Variants in RBFOX1 observed in about 807,000 individuals in gnomAD.
The protein encoded by RBFOX1 is RNA binding fox-1 homolog 1, also known as RNA binding protein fox-1 homolog 1.
In RBFOX1, 8 loss-of-function variants were observed where a neutral mutation model predicts 57.7. The ratio of observed to expected loss-of-function variants is 0.14; its 90% CI spans 0.08 to 0.25. The LOEUF (loss-of-function observed/expected upper bound fraction) is 0.25. Among genes scored for constraint, RBFOX1 ranks in the 10% least tolerant of loss-of-function variants. The probability of loss-of-function intolerance (pLI) is 1.00; values close to 1 mark genes in which losing one functional copy is unlikely to be tolerated. For synonymous variants in RBFOX1, 326 were observed against 222.4 expected (o/e 1.47, Z -4.15); for missense variants, 611 against 548.5 (o/e 1.11, Z -1.14).
intron 3 of RBFOX1, among the ~76,000 whole-genome samples, chr16:7,025,582 T>C (rs1216388393): frequency 6.6e-6 from 1 of 152,094 alleles, no homozygotes; most frequent in African/African-American, 2.4e-5. Context: ...CAGTGTGCAT[T>C]TGCATGCTTC....
At chr16:7,129,042 AC>A (rs2069445621) in intron 4 of RBFOX1, among the ~76,000 whole-genome samples, 5 of 151,772 alleles carry the variant, frequency 3.3e-5, no homozygotes, top group African/African-American at 1.2e-4. Flanking sequence ...GATGGTCTTG[AC>A]ACCTTAACCT....
intron 3 of RBFOX1, among the ~76,000 whole-genome samples, chr16:6,739,929 C>G (rs1359028399): frequency 6.6e-6 from 1 of 152,090 alleles, no homozygotes; most frequent in Non-Finnish European, 1.5e-5. Context: ...AGCCATTACA[C>G]TCTGGTCACA....
At chr16:7,409,216 C>T (rs2098396410) in intron 4 of RBFOX1, among the ~76,000 whole-genome samples, 1 of 152,180 alleles carries the variant, frequency 6.6e-6, no homozygotes, top group Non-Finnish European at 1.5e-5. Context: ...ATGAGAATCT[C>T]TCTGATGTGG....
At chr16:5,971,857 T>A (rs1359692558) in intron 4 of RBFOX1, among the ~76,000 whole-genome samples, 1 of 152,220 alleles carries the variant, frequency 6.6e-6, no homozygotes. Context: ...AGATTAACAT[T>A]TATGTCAGTA....
intron 3 of RBFOX1, among the ~76,000 whole-genome samples, chr16:5,849,175 T>C (rs1567621442): frequency 6.6e-6 from 1 of 152,008 alleles, no homozygotes; most frequent in Non-Finnish European, 1.5e-5. Context: ...ATTTCTTCTT[T>C]TTTCATGGCC....
At chr16:6,008,071 G>T (rs2152335227) in intron 4 of RBFOX1, among the ~76,000 whole-genome samples, 1 of 152,228 alleles carries the variant, frequency 6.6e-6, no homozygotes, top group Non-Finnish European at 1.5e-5. Context: ...CAGGCATGGT[G>T]GCATGCACCT....
chr16:7,350,633 C>T (rs1311753454), intron 4 of RBFOX1, among the ~76,000 whole-genome samples: 1 of 152,156 alleles, frequency 6.6e-6, no homozygotes, highest in African/African-American at 2.4e-5. Context: ...ATGCATGGTA[C>T]TGGTGAAGAC....
At chr16:5,848,589 C>A (rs981573983) in intron 3 of RBFOX1, among the ~76,000 whole-genome samples, 2 of 152,080 alleles carry the variant, frequency 1.3e-5, no homozygotes, top group Non-Finnish European at 2.9e-5. Flanking sequence ...TGATTGCTCT[C>A]AGAATAGGTA....
chr16:7,239,254 T>C (rs888221358), intron 4 of RBFOX1, among the ~76,000 whole-genome samples: 10 of 152,126 alleles, frequency 6.6e-5, no homozygotes, highest in African/African-American at 2.2e-4. Context: ...ATCCCAGCAA[T>C]TTAGGAGGCC....
intron 14 of RBFOX1, among the ~76,000 whole-genome samples, chr16:7,694,936 T>G (rs1331338243): frequency 6.6e-6 from 1 of 152,204 alleles, no homozygotes; most frequent in African/African-American, 2.4e-5. Flanking sequence ...AGGTTATATT[T>G]GGACATCTTA....
intron 4 of RBFOX1, among the ~76,000 whole-genome samples, chr16:7,070,858 A>G (rs2057189879): frequency 1.3e-5 from 2 of 152,260 alleles, no homozygotes; most frequent in South Asian, 4.1e-4. Flanking sequence ...AAATTGACCA[A>G]GGGTGACAAA....
intron 2 of RBFOX1, among the ~76,000 whole-genome samples, chr16:6,326,454 C>A (rs967531482): frequency 1.3e-5 from 2 of 152,108 alleles, no homozygotes; most frequent in African/African-American, 4.8e-5. Context: ...TGAGAGAGGA[C>A]CAAGGAGTAT....
At chr16:5,431,022 G>C (rs975412251) in intron 1 of RBFOX1, among the ~76,000 whole-genome samples, 1 of 152,164 alleles carries the variant, frequency 6.6e-6, no homozygotes, top group Admixed American at 6.5e-5. Flanking sequence ...AGAGAAGGAT[G>C]GCAGGAGCCT....
chr16:5,508,360 T>C (rs1019096664), intron 2 of RBFOX1, among the ~76,000 whole-genome samples: 4 of 152,164 alleles, frequency 2.6e-5, no homozygotes, highest in African/African-American at 9.6e-5. Context: ...CCCACTCCAA[T>C]GCGGCCACTT....
chr16:6,040,584 C>T (rs918423485), intron 1 of RBFOX1, among the ~76,000 whole-genome samples: 19 of 151,284 alleles, frequency 1.3e-4, no homozygotes, highest in African/African-American at 4.6e-4. Flanking sequence ...CTCTCTCTCT[C>T]TTTCTTTCTT....
At chr16:6,505,671 G>C (rs1276177958) in intron 2 of RBFOX1, among the ~76,000 whole-genome samples, 2 of 152,164 alleles carry the variant, frequency 1.3e-5, no homozygotes, top group Non-Finnish European at 2.9e-5. Context: ...AGAGAAAACA[G>C]ATGTACATGA....
chr16:7,187,947 T>C (rs2084337702), intron 4 of RBFOX1, among the ~76,000 whole-genome samples: 1 of 152,182 alleles, frequency 6.6e-6, no homozygotes, highest in African/African-American at 2.4e-5. Flanking sequence ...CACAGCACTT[T>C]AAGAATCAAC....
intron 4 of RBFOX1, among the ~76,000 whole-genome samples, chr16:7,312,131 G>A (rs1222448785): frequency 6.6e-6 from 1 of 152,246 alleles, no homozygotes; most frequent in Non-Finnish European, 1.5e-5. Context: ...TGTAATCCCA[G>A]CACTTTAGGA....
chr16:5,531,291 G>T (rs2044468730), intron 2 of RBFOX1, among the ~76,000 whole-genome samples: 2 of 152,152 alleles, frequency 1.3e-5, no homozygotes, highest in African/African-American at 4.8e-5. Flanking sequence ...GTATCTTGCA[G>T]CAGACAGGGG....
Sources: allele counts gnomAD v4.1 joint callset (sites outside exome capture counted in the v4.1 genomes callset), GRCh38; gene constraint gnomAD v4.1.1; transcripts MANE v1.5; gene names NCBI Gene and HGNC (gene_info 2026-07-23, HGNC 2026-07-21).